Variants in TIAM1 observed in about 807,000 individuals in gnomAD.
The protein encoded by TIAM1 is TIAM Rac1 associated GEF 1.
In TIAM1, 65 loss-of-function variants were observed where a neutral mutation model predicts 163.5. The ratio of observed to expected loss-of-function variants is 0.40; its 90% CI spans 0.33 to 0.49. The LOEUF is 0.49. TIAM1 is among the 20% of genes least tolerant of loss of function. The pLI is 0.77. For synonymous variants in TIAM1, 833 were observed against 810.1 expected, an observed-to-expected ratio of 1.03 and a Z score of -0.48; for missense variants, 1,789 against 2,044.7, an observed-to-expected ratio of 0.87 and a Z score of 2.41.
intron 2 of TIAM1, among the ~76,000 whole-genome samples, chr21:31,321,945 C>T (rs1001331612): frequency 2.0e-4 from 30 of 151,876 alleles, no homozygotes; most frequent in African/African-American, 6.5e-4. Context: ...CCCAGCTACT[C>T]GGGAGGCTGA....
rs1027403572 is a variant in TIAM1 at position 31,152,561 on chromosome 21, A to C, written c.3366+75T>G. On this transcript the variant is annotated intron_variant, in intron 19 of 27. Transcript: ENST00000541036. ...ACCCCACTGTGGCCCTCCAATGAAG[A>C]CATCAACACGATCAGGGGATTCAAC... 20 of 1,577,090 alleles carry C rather than the reference A, an allele frequency of 1.3e-5. No homozygotes were observed. In the African/African-American group the frequency reaches 2.7e-4, roughly 21 times the overall value.
At chr21:31,248,191 A>G (rs182357995) in intron 5 of TIAM1, among the ~76,000 whole-genome samples, 2 of 152,358 alleles carry the variant, frequency 1.3e-5, no homozygotes, top group East Asian at 3.9e-4. Flanking sequence ...CCTAACATAA[A>G]AGGAGCAACA....
intron 1 of TIAM1, among the ~76,000 whole-genome samples, chr21:31,534,184 A>G (rs1183977718): frequency 6.6e-6 from 1 of 152,242 alleles, no homozygotes; most frequent in Non-Finnish European, 1.5e-5. Flanking sequence ...CGCTGACACT[A>G]AGCATATTCA....
chr21:31,130,221 G>A lies in TIAM1; in HGVS notation c.4037C>T (p.Ala1346Val), dbSNP rs773421646. The change falls in exon 25 of 28, where the codon GCG becomes GTG. Residue 1346 changes from alanine (A) to valine (V), a missense_variant. By Grantham distance (64) the Ala-to-Val change is moderately conservative. Transcript: ENST00000541036. ...PTEALQVRAL[A>V]SADAEANAVC... ...CACAGGTGAGAGTTTACCTGCACTC[G>A]CCAAAGCTCGAACCTGCAGCGCTTC... is the stretch of plus-strand genomic sequence containing the variant. 6.2e-7 allele frequency: 1 copy of A among 1,613,734 alleles called. No individual in the cohort carries two copies. Among genetic ancestry groups the A allele is most frequent in the Non-Finnish European group, 8.5e-7 (1 of 1,179,788 alleles).
intron 10 of TIAM1, among the ~76,000 whole-genome samples, chr21:31,210,657 GAAAGAAAGAAAAA>G (rs1569032644): frequency 1.1e-3 from 23 of 21,724 alleles, no homozygotes; most frequent in Middle Eastern, 0.015. Context: ...AAGAAAGAAA[GAAAGAAAGAAAAA>G]GAAAGAAAGA....
rs558944565 is a variant in TIAM1, at chr21:31,551,689, G to A, written c.-422+7238C>T. 4.4e-4 allele frequency among the ~76,000 whole-genome samples: 67 copies of A among 152,294 alleles called. 2 individuals are homozygous for A. Among genetic ancestry groups the A allele is most frequent in the African/African-American group, 1.6e-3 (65 of 41,572 alleles). Reference sequence around the variant, plus strand: ...GCCTGGGTGCTTGAGGCTGCAGTGAGCCGTGACTGCACTACAGTCTAGGCA... The same window carrying A: ...GCCTGGGTGCTTGAGGCTGCAGTGAACCGTGACTGCACTACAGTCTAGGCA... On this transcript the variant is annotated intron_variant, in intron 1 of 28. Coordinates refer to the TIAM1 transcript ENST00000286827.
intron 1 of TIAM1, among the ~76,000 whole-genome samples, chr21:31,490,079 A>T (rs2046415301): frequency 6.6e-6 from 1 of 152,114 alleles, no homozygotes; most frequent in Non-Finnish European, 1.5e-5. Flanking sequence ...GTTACTGTTA[A>T]TTCTGTTTGG....
chr21:31,491,002 G>A (rs536799836), intron 1 of TIAM1, among the ~76,000 whole-genome samples: 9 of 152,338 alleles, frequency 5.9e-5, no homozygotes, highest in African/African-American at 2.2e-4. Context: ...GTGCGTGCCT[G>A]TAATCCCAAC....
chr21:31,149,465 A>G (rs980362731), intron 19 of TIAM1, among the ~76,000 whole-genome samples: 2 of 152,224 alleles, frequency 1.3e-5, no homozygotes, highest in Middle Eastern at 3.4e-3. Flanking sequence ...CCTGTCACTA[A>G]AAGAAGCAAT....
chr21:31,180,104 C>T (rs1413521356), intron 15 of TIAM1, among the ~76,000 whole-genome samples: 1 of 151,996 alleles, frequency 6.6e-6, no homozygotes, highest in Non-Finnish European at 1.5e-5. Flanking sequence ...TGGTGTTTCA[C>T]CATGTTGGCC....
chr21:31,408,397 A>C (rs1351404650), intron 2 of TIAM1, among the ~76,000 whole-genome samples: 2 of 152,190 alleles, frequency 1.3e-5, no homozygotes, highest in African/African-American at 4.8e-5. Flanking sequence ...CAGGCCCTTG[A>C]ATTCTCTTCT....
intron 2 of TIAM1, among the ~76,000 whole-genome samples, chr21:31,432,399 C>T (rs576435192): frequency 2.0e-5 from 3 of 152,282 alleles, no homozygotes; most frequent in South Asian, 4.1e-4. Context: ...ACGCCCTGCC[C>T]TTCCATACTC....
At chr21:31,276,565 C>T (rs1322977273) in intron 3 of TIAM1, among the ~76,000 whole-genome samples, 167 bp downstream of exon 3, 1 of 152,168 alleles carries the variant, frequency 6.6e-6, no homozygotes, top group Non-Finnish European at 1.5e-5. Context: ...CTAATGCTTT[C>T]GAATTGTCAG....
intron 1 of TIAM1, among the ~76,000 whole-genome samples, chr21:31,524,067 A>G (rs1177413138): frequency 6.6e-6 from 1 of 151,906 alleles, no homozygotes; most frequent in Admixed American, 6.6e-5. Context: ...GATAATTACC[A>G]ATGCTCAGGT....
chr21:31,451,718 C>CGT (rs59110882), intron 2 of TIAM1, among the ~76,000 whole-genome samples: 8,307 of 141,908 alleles, frequency 0.059, 255 homozygotes, highest in Non-Finnish European at 0.069. Context: ...CATGTGTGTG[C>CGT]GTGTGTGTGT....
chr21:31,141,276 G>C lies in TIAM1; in HGVS notation c.3656-40C>G, dbSNP rs370955740. 54 of 1,613,566 alleles carry C rather than the reference G, an allele frequency of 3.3e-5. No homozygotes were observed. The highest frequency in any genetic ancestry group is 4.2e-5 in the Non-Finnish European group (49 of 1,179,730). ...GTTGTGAAATGAGAGGCTATTTAGAGACCCTCATGGAGACTCAGGCCTGCC... is the reference window on the plus strand; with the variant it reads ...GTTGTGAAATGAGAGGCTATTTAGACACCCTCATGGAGACTCAGGCCTGCC... On this transcript the variant is annotated intron_variant, in intron 21 of 27. Coordinates refer to ENST00000541036, the MANE Select transcript of TIAM1 (RefSeq NM_001353694.2). The surrounding 1 kb of genome is among the most constrained non-coding windows in gnomAD (Gnocchi z 4.7).
chr21:31,217,001 G>A (rs1275907037), intron 9 of TIAM1, among the ~76,000 whole-genome samples: 1 of 152,110 alleles, frequency 6.6e-6, no homozygotes, highest in Non-Finnish European at 1.5e-5. Flanking sequence ...AGGGTCAGGA[G>A]TTCAAGACCA....
At chr21:31,401,987 G>A (rs2147220271) in intron 2 of TIAM1, among the ~76,000 whole-genome samples, 1 of 152,130 alleles carries the variant, frequency 6.6e-6, no homozygotes, top group Middle Eastern at 3.4e-3. Context: ...GGCCGATGCG[G>A]GTGGATCAGG....
At chr21:31,360,983 A>G (rs1005394023) in intron 2 of TIAM1, among the ~76,000 whole-genome samples, 8 of 152,186 alleles carry the variant, frequency 5.3e-5, no homozygotes, top group Non-Finnish European at 2.9e-5. Flanking sequence ...GCACTTTAGT[A>G]AAGATGAAAA....
Sources: allele counts gnomAD v4.1 joint callset (sites outside exome capture counted in the v4.1 genomes callset), GRCh38; gene constraint gnomAD v4.1.1; non-coding constraint Gnocchi (gnomAD v3.1); transcripts MANE v1.5; gene names NCBI Gene and HGNC (gene_info 2026-07-23, HGNC 2026-07-21).